The following OBSL1 variants were observed in gnomAD, a reference collection of about 807,000 sequenced individuals.
OBSL1 encodes obscurin-like protein 1.
OBSL1 carries 160 observed loss-of-function variants against 172.0 expected under a neutral mutation model. The ratio of observed to expected loss-of-function variants is 0.93; its 90% CI spans 0.82 to 1.06. OBSL1 has a LOEUF of 1.06. Ranked by LOEUF, OBSL1 falls within the 50% of genes least tolerant of loss-of-function variation. The pLI, the probability that OBSL1 is intolerant of heterozygous loss-of-function variation, is 0.00. For synonymous variants in OBSL1, 1,200 were observed against 1,196.3 expected (o/e 1.00, Z -0.06); for missense variants, 2,681 against 2,715.4 (o/e 0.99, Z 0.28).
At chr2:219,549,402 ACT>A (rs756731651), downstream of OBSL1, 1 of 1,575,910 alleles carries the variant, frequency 6.3e-7, no homozygotes, top group East Asian at 2.3e-5. Flanking sequence ...AAGTGTGGAA[ACT>A]CTTTCCAAAC....
At chr2:219,549,832 C>T, downstream of OBSL1, 1 of 1,614,120 alleles carries the variant, frequency 6.2e-7, no homozygotes, top group Non-Finnish European at 8.5e-7. Flanking sequence ...ACAGCCTGCT[C>T]AGGCCCCCCA....
chr2:219,549,459 G>A (rs1695487107), downstream of OBSL1: 1 of 1,392,294 alleles, frequency 7.2e-7, no homozygotes, highest in Admixed American at 2.5e-5. Flanking sequence ...TAGAAGGCCT[G>A]TTTGTCCATG....
chr2:219,557,625 A>G lies in OBSL1; in HGVS notation c.3791-7T>C. 6.5e-7 allele frequency: 1 copy of G among 1,531,214 alleles called. No homozygotes were observed. Among genetic ancestry groups the G allele is most frequent in the Non-Finnish European group, 8.8e-7 (1 of 1,135,966 alleles). The allele number at this position is 1,531,214 out of a possible 1,614,324, so 94.9% of individuals were successfully genotyped here. A position where few individuals can be genotyped will look rare whatever the true frequency, so the allele number is the denominator to read the frequency against. On this transcript the variant is annotated splice_polypyrimidine_tract_variant and splice_region_variant and intron_variant, in intron 11 of 20. Coordinates refer to ENST00000404537, the MANE Select transcript of OBSL1 (RefSeq NM_015311.3). Reference sequence around the variant, plus strand: ...ACCACCCGCACAGGGGGCTCTGTGGAGTCAGAGCTGGAGGTCACTGGGAGG... The same window carrying G: ...ACCACCCGCACAGGGGGCTCTGTGGGGTCAGAGCTGGAGGTCACTGGGAGG...
intron 14 of OBSL1, chr2:219,555,658 T>G: frequency 9.4e-7 from 1 of 1,065,926 alleles, no homozygotes; most frequent in Non-Finnish European, 1.1e-6. Context: ...GGCTCCAGCT[T>G]TGGGTGGGAG....
At position 219,557,910 on chromosome 2, in the gene OBSL1, C is replaced by T; in HGVS notation, c.3703G>A (p.Ala1235Thr). ...GPRRVLCIQAAGPAHAGLYTC... is the reference protein window; with the variant it reads ...GPRRVLCIQATGPAHAGLYTC... ...TAGAGCCCTGCATGGGCTGGGCCTG[C>T]AGCCTGGATGCAGAGGACTCGGCGG... The change falls in exon 11 of 21, where the codon GCA (alanine) becomes ACA (threonine). Residue 1235 changes from alanine to threonine, a missense_variant. By Grantham distance (58) the Ala-to-Thr change is moderately conservative. Coordinates refer to ENST00000404537, the MANE Select transcript of OBSL1 (RefSeq NM_015311.3). 2 of 1,604,026 alleles carry T rather than the reference C, an allele frequency of 1.2e-6. No individual in the cohort carries two copies. The highest frequency in any genetic ancestry group is 1.7e-6 in the Non-Finnish European group (2 of 1,179,652).
chr2:219,557,815 G>A lies in OBSL1; in HGVS notation c.3790+8C>T, dbSNP rs1195795549. On this transcript the variant is annotated splice_region_variant and intron_variant, in intron 11 of 20. Transcript: ENST00000404537. ...CACTCTCAGGCTTAATGCCCAGGCTGTACTCACCAGCCACCTGGACGGTGA... is the reference window on the plus strand; with the variant it reads ...CACTCTCAGGCTTAATGCCCAGGCTATACTCACCAGCCACCTGGACGGTGA... The A allele has an allele frequency of 1.9e-6, 3 of 1,595,184 alleles. No homozygotes were observed. The highest frequency in any genetic ancestry group is 1.7e-5 in the Admixed American group (1 of 58,442).
At chr2:219,562,788 C>A in intron 7 of OBSL1, 114 bp from the exon 8 acceptor site, 1 of 1,139,526 alleles carries the variant, frequency 8.8e-7, no homozygotes, top group Non-Finnish European at 1.2e-6. Context: ...GAGGGACCTT[C>A]CTGAGACCAA....
chr2:219,548,183 G>A (rs1170345331), downstream of OBSL1: 34 of 1,106,280 alleles, frequency 3.1e-5, no homozygotes, highest in African/African-American at 6.3e-5. Flanking sequence ...AGAAGGCCTC[G>A]ATGGCGGTAG....
At position 219,551,741 on chromosome 2, in the gene OBSL1, C is replaced by A; in HGVS notation, c.5471G>T (p.Arg1824Leu). The A allele has an allele frequency of 6.2e-7, 1 of 1,601,048 alleles. No individual in the cohort carries two copies. Among genetic ancestry groups the A allele is most frequent in the Non-Finnish European group, 8.5e-7 (1 of 1,172,374 alleles). Residue 1824 changes from arginine to leucine, a missense_variant, in exon 20 of 21, where the codon CGC (arginine) becomes CTC (leucine). Arg to Leu is a moderately radical substitution (Grantham distance 102). Coordinates refer to ENST00000404537, the MANE Select transcript of OBSL1 (RefSeq NM_015311.3). ...PPREKTVLVG[R>L]RAVLEVTVSR... ...CACAGTCACCTCCAGCACCGCCCGG[C>A]GGCCCACCAGAACGGTCTTCTCGCG...
chr2:219,549,220 A>G, downstream of OBSL1: 7 of 1,613,960 alleles, frequency 4.3e-6, no homozygotes, highest in Non-Finnish European at 5.9e-6. Context: ...TCGCAAGGAG[A>G]AAAGGCGGAA....
chr2:219,553,518 G>A, intron 16 of OBSL1, 56 bp downstream of exon 16: 1 of 1,211,442 alleles, frequency 8.3e-7, no homozygotes. Context: ...TCTGTCTGGG[G>A]CATTATTATC....
At position 219,557,859 on chromosome 2, in the gene OBSL1, CGGGG is replaced by C; in HGVS notation, c.3750_3753del (p.Pro1251GlufsTer19). ...ACGGTGAAGCTGAGGCTTGGGGCTC[CGGGG>C]GCTGCTCCAGACTGGCAGGTGTAGA... On this transcript the variant is annotated frameshift_variant, in exon 11 of 21. Coordinates refer to ENST00000404537, the MANE Select transcript of OBSL1 (RefSeq NM_015311.3). LOFTEE classifies it high-confidence loss of function. 6.2e-7 allele frequency: 1 copy of C among 1,600,602 alleles called. No individual in the cohort carries two copies. Among genetic ancestry groups the C allele is most frequent in the Non-Finnish European group, 8.5e-7 (1 of 1,179,500 alleles).
downstream of OBSL1, chr2:219,547,467 C>T: frequency 7.2e-7 from 1 of 1,391,288 alleles, no homozygotes; most frequent in Non-Finnish European, 9.4e-7. Context: ...AGCCTGGTGC[C>T]CTCATCTTGG....
chr2:219,567,744 C>T lies in OBSL1; in HGVS notation c.1508G>A (p.Arg503His), dbSNP rs539425919. ...GEVTFSLGNS[R>H]TTTLLRVKCV... ...TTTTACTCTGAGAAGCGTAGTGGTA[C>T]GGGAGTTGCCCAGGCTAAAGGTGAC... The change falls in exon 3 of 21, where the codon CGT becomes CAT. Residue 503 changes from arginine (R) to histidine (H), a missense_variant. By Grantham distance (29) the Arg-to-His change is conservative (BLOSUM62 0). Coordinates refer to ENST00000404537, the MANE Select transcript of OBSL1 (RefSeq NM_015311.3). 5.8e-5 allele frequency: 93 copies of T among 1,613,122 alleles called. No homozygotes were observed. Among genetic ancestry groups the T allele is most frequent in the South Asian group, 4.4e-4 (40 of 91,064 alleles).
chr2:219,556,068 C>T lies in OBSL1; in HGVS notation c.4561G>A (p.Gly1521Ser), dbSNP rs756487488. Residue 1521 changes from glycine (G) to serine (S), a missense_variant, in exon 14 of 21, where the codon GGC becomes AGC. By Grantham distance (56) the Gly-to-Ser change is moderately conservative (BLOSUM62 0). This residue lies in a region of OBSL1 where 1,765 missense variants were observed against 1,748.3 expected (regional missense o/e 1.01). Transcript: ENST00000404537. ...GTGCGATCGTGGTGGCTCTCGCAGCCGTAGGTGCCCTGGTCGGCCAGTATG... is the reference window on the plus strand; with the variant it reads ...GTGCGATCGTGGTGGCTCTCGCAGCTGTAGGTGCCCTGGTCGGCCAGTATG... ...GVILADQGTYGCESHHDRTLA... is the reference protein window; with the variant it reads ...GVILADQGTYSCESHHDRTLA... The T allele has an allele frequency of 7.1e-5, 114 of 1,613,640 alleles. No individual in the cohort carries two copies. The highest frequency in any genetic ancestry group is 1.1e-4 in the East Asian group (5 of 44,884).
At position 219,559,323 on chromosome 2, in the gene OBSL1, C is replaced by T. The variant is rs200234534; in HGVS notation, c.3128G>A (p.Arg1043His). 267 of 1,613,966 alleles carry T rather than the reference C, an allele frequency of 1.7e-4. 2 individuals carry two copies. The highest frequency in any genetic ancestry group is 5.7e-4 in the African/African-American group (43 of 75,032). The part of the protein sequence containing the change: ...EALVLERDGP[R>H]CRLVLPAAQP... ...AGCAGCAGGTAGCACCAGGCGGCAG[C>T]GTGGCCCATCCCTCTCCAGCACCAG... The change falls in exon 9 of 21, where the codon CGC becomes CAC. Residue 1043 changes from arginine to histidine, a missense_variant. Transcript: ENST00000404537.
At chr2:219,548,155 G>A (rs1184664078), downstream of OBSL1, 1 of 1,341,252 alleles carries the variant, frequency 7.5e-7, no homozygotes, top group Non-Finnish European at 9.9e-7. Flanking sequence ...AAGTGACTGG[G>A]GAGTGGGGGA....
chr2:219,559,265 A>C lies in OBSL1; in HGVS notation c.3186T>G (p.Asp1062Glu), dbSNP rs777060649. 1 of 1,612,518 alleles carries C rather than the reference A, an allele frequency of 6.2e-7. No homozygotes were observed. The highest frequency in any genetic ancestry group is 1.1e-5 in the South Asian group (1 of 91,048). Residue 1062 changes from aspartate to glutamate, a missense_variant, in exon 9 of 21, where the codon GAT becomes GAG. Asp to Glu is a conservative substitution (Grantham distance 45). Coordinates refer to ENST00000404537, the MANE Select transcript of OBSL1 (RefSeq NM_015311.3). ...TGAAGAAGGCCGAGTCATCTCCAGC[A>C]TCACATACAAACTCGCCCCCGTCCT... Reference protein sequence around the residue: ...QPEDGGEFVCDAGDDSAFFTV... With the variant: ...QPEDGGEFVCEAGDDSAFFTV...
chr2:219,553,475 C>G lies in OBSL1; in HGVS notation c.4989+99G>C. Reference sequence around the variant, plus strand: ...ATATAATGCAAATCTTAGCACAGTGCCAGGCACATCCGCTCAAGGAATATT... The same window carrying G: ...ATATAATGCAAATCTTAGCACAGTGGCAGGCACATCCGCTCAAGGAATATT... On this transcript the variant is annotated intron_variant, in intron 16 of 20. Coordinates refer to ENST00000404537, the MANE Select transcript of OBSL1 (RefSeq NM_015311.3). 3.0e-5 allele frequency: 27 copies of G among 885,508 alleles called. No homozygotes were observed. In the South Asian group the frequency reaches 3.8e-4, roughly 13 times the overall value. The allele number at this position is 885,508 out of a possible 1,614,324, so 54.9% of individuals were successfully genotyped here. A position where few individuals can be genotyped will look rare whatever the true frequency, so the allele number is the denominator to read the frequency against.
Sources: allele counts gnomAD v4.1 joint callset, GRCh38; gene constraint gnomAD v4.1.1; regional missense constraint gnomAD v4.1.1; transcripts MANE v1.5; gene names NCBI Gene and HGNC (gene_info 2026-07-23, HGNC 2026-07-21).